EDARADD: variants seen among roughly 807,000 people sequenced by gnomAD.
EDARADD encodes the protein ectodysplasin-A receptor-associated adapter protein.
EDARADD carries 20 observed loss-of-function variants against 25.6 expected under a neutral mutation model. The ratio of observed to expected loss-of-function variants is 0.78; its 90% CI spans 0.55 to 1.14. EDARADD has a LOEUF of 1.14. Among genes scored for constraint, EDARADD ranks in the 50% most tolerant of loss-of-function variants. EDARADD has a pLI of 0.00. For synonymous variants in EDARADD, 86 were observed against 94.4 expected, an observed-to-expected ratio of 0.91 and a Z score of 0.52; for missense variants, 225 against 270.1, an observed-to-expected ratio of 0.83 and a Z score of 1.17.
intron 1 of EDARADD, among the ~76,000 whole-genome samples, chr1:236,403,453 A>T (rs541446787): frequency 6.7e-6 from 1 of 150,124 alleles, no homozygotes; most frequent in Non-Finnish European, 1.5e-5. Flanking sequence ...ATGCCCGGCT[A>T]ATTTTTTGTA....
chr1:236,394,543 G>A, intron 1 of EDARADD, 38 bp downstream of exon 1: 1 of 1,597,148 alleles, frequency 6.3e-7, no homozygotes, highest in Non-Finnish European at 8.5e-7. Context: ...ATTTCTCAGA[G>A]CTGAGTTTTT....
chr1:236,352,860 A>G (rs930976903), intron 3 of EDARADD, among the ~76,000 whole-genome samples: 8 of 148,206 alleles, frequency 5.4e-5, no homozygotes, highest in Non-Finnish European at 1.2e-4. Flanking sequence ...AAATAAATAA[A>G]TAAGCCAGGT....
At chr1:236,382,581 A>G (rs1667313557) in intron 3 of EDARADD, among the ~76,000 whole-genome samples, 1 of 152,136 alleles carries the variant, frequency 6.6e-6, no homozygotes, top group African/African-American at 2.4e-5. Flanking sequence ...TTGTATTCCT[A>G]TACCTCCTCT....
intron 4 of EDARADD, among the ~76,000 whole-genome samples, chr1:236,447,152 T>TCCTC (rs145293847): frequency 3.8e-5 from 3 of 79,702 alleles, no homozygotes; most frequent in Non-Finnish European, 8.8e-5. Flanking sequence ...CTTCCTTCCT[T>TCCTC]CCTCCCTCCC....
At chr1:236,379,609 T>C (rs1667274589) in intron 3 of EDARADD, among the ~76,000 whole-genome samples, 1 of 151,654 alleles carries the variant, frequency 6.6e-6, no homozygotes, top group South Asian at 2.1e-4. Context: ...CGAAACACCA[T>C]CTCTACTAAA....
chr1:236,353,827 G>A (rs1457114506), intron 3 of EDARADD, among the ~76,000 whole-genome samples: 1 of 152,074 alleles, frequency 6.6e-6, no homozygotes, highest in Non-Finnish European at 1.5e-5. Context: ...ACCCAGAACA[G>A]GCACCAGATA....
rs1166305406 is a variant in EDARADD, at chr1:236,386,337, C to T, written c.-5-22879C>T. Among the ~76,000 whole-genome samples the T allele has an allele frequency of 1.5e-3, 47 of 32,110 alleles. 19 individuals carry two copies. Among genetic ancestry groups the T allele is most frequent in the Non-Finnish European group, 1.1e-3 (15 of 14,094 alleles). The allele number at this position is 32,110 out of a possible 152,430, so 21.1% of individuals were successfully genotyped here. On this transcript the variant is annotated intron_variant, in intron 3 of 7. Coordinates refer to the EDARADD transcript ENST00000439430. ...TGCAGCCTCTGCCCGGCCGCCACCC[C>T]GTCTGGGAAGTGAGGAGTGTCTCTG...
chr1:236,380,213 A>G lies in EDARADD; in HGVS notation c.-5-29003A>G, dbSNP rs533956478. ...TCTTGAAAAGGATTAAAATAGTGTG[A>G]CACAAAGGCATAAAGTGCTAAAGGT... On this transcript the variant is annotated intron_variant, in intron 3 of 7. Coordinates refer to the EDARADD transcript ENST00000439430. 5.2e-5 allele frequency among the ~76,000 whole-genome samples: 8 copies of G among 152,384 alleles called. No homozygotes were observed. In the South Asian group the frequency reaches 1.7e-3, roughly 32 times the overall value.
chr1:236,404,619 T>A (rs1667674975), intron 1 of EDARADD, among the ~76,000 whole-genome samples: 1 of 152,072 alleles, frequency 6.6e-6, no homozygotes, highest in Admixed American at 6.6e-5. Flanking sequence ...CGAGACCCCG[T>A]CTCTACAAAA....
At chr1:236,469,100 T>C (rs1179638523) in intron 5 of EDARADD, among the ~76,000 whole-genome samples, 1 of 152,172 alleles carries the variant, frequency 6.6e-6, no homozygotes, top group African/African-American at 2.4e-5. Context: ...CCTTTTTTAA[T>C]CATAAGACAG....
At chr1:236,393,488 C>T (rs576999195), upstream of EDARADD, among the ~76,000 whole-genome samples, 4 of 147,636 alleles carry the variant, frequency 2.7e-5, no homozygotes, top group African/African-American at 5.0e-5. Context: ...CTCCACCTCC[C>T]AGGTTCAAGC....
At chr1:236,389,288 C>G (rs1461134697), upstream of EDARADD, among the ~76,000 whole-genome samples, 1 of 152,092 alleles carries the variant, frequency 6.6e-6, no homozygotes, top group African/African-American at 2.4e-5. Flanking sequence ...TCACCCCATC[C>G]CATCCCTCCT....
intron 3 of EDARADD, among the ~76,000 whole-genome samples, chr1:236,371,357 A>G (rs912975812): frequency 1.3e-5 from 2 of 152,162 alleles, no homozygotes; most frequent in African/African-American, 4.8e-5. Flanking sequence ...TTTTCTACAT[A>G]GACCATCATG....
chr1:236,461,012 G>A (rs530452855), intron 4 of EDARADD, among the ~76,000 whole-genome samples: 1 of 152,002 alleles, frequency 6.6e-6, no homozygotes, highest in African/African-American at 2.4e-5. Context: ...AGTAAAGACG[G>A]GGTTTCATCG....
chr1:236,422,323 T>A (rs1657802541), intron 3 of EDARADD, among the ~76,000 whole-genome samples: 1 of 152,246 alleles, frequency 6.6e-6, no homozygotes, highest in African/African-American at 2.4e-5. Context: ...GGAAATGTTC[T>A]GCTGAAGCCT....
At chr1:236,380,326 AT>A (rs953561663) in intron 3 of EDARADD, among the ~76,000 whole-genome samples, 1 of 151,866 alleles carries the variant, frequency 6.6e-6, no homozygotes, top group African/African-American at 2.4e-5. Context: ...TTTTACTTTC[AT>A]TTTTTTTAAA....
At chr1:236,471,216 G>A (rs1269961427) in intron 5 of EDARADD, among the ~76,000 whole-genome samples, 3 of 152,148 alleles carry the variant, frequency 2.0e-5, no homozygotes, top group South Asian at 2.1e-4. Context: ...TTAAAAGGAT[G>A]CTTTAGAGAA....
intron 3 of EDARADD, among the ~76,000 whole-genome samples, chr1:236,364,920 C>T (rs1237909662): frequency 6.6e-6 from 1 of 152,106 alleles, no homozygotes; most frequent in Non-Finnish European, 1.5e-5. Flanking sequence ...TAGTGGAATA[C>T]TGAATAGAAT....
intron 4 of EDARADD, among the ~76,000 whole-genome samples, chr1:236,430,482 C>A (rs1658063347): frequency 6.6e-6 from 1 of 152,102 alleles, no homozygotes; most frequent in South Asian, 2.1e-4. Context: ...CAGCATTTTT[C>A]CTAATTTCAG....
Sources: gnomAD v4.1 joint callset for allele counts (sites outside exome capture counted in the v4.1 genomes callset) on GRCh38, gnomAD v4.1.1 for gene constraint, MANE v1.5 for transcripts, NCBI Gene and HGNC (gene_info 2026-07-23, HGNC 2026-07-21) for gene names.